The following UBALD2 variants were observed in gnomAD, a reference collection of about 807,000 sequenced individuals.
UBALD2 encodes the protein UBA like domain containing 2, also known as UBA-like domain-containing protein 2.
UBALD2 carries 8 observed loss-of-function variants against 15.9 expected under a neutral mutation model. The observed-to-expected ratio is 0.50, with a 90% confidence interval of 0.29 to 0.91. The LOEUF (loss-of-function observed/expected upper bound fraction) is 0.91, where lower values mean the gene tolerates loss of function less well. Among genes scored for constraint, UBALD2 ranks in the 40% least tolerant of loss-of-function variants. The pLI is 0.07. For missense variants in UBALD2, 178 were observed against 234.8 expected, an observed-to-expected ratio of 0.76 and a Z score of 1.58; for synonymous variants, 113 against 97.7, an observed-to-expected ratio of 1.16 and a Z score of -0.93.
chr17:76,265,754 CG>C (rs888680662), intron 1 of UBALD2, 129 bp downstream of exon 1: 83 of 1,335,346 alleles, frequency 6.2e-5, no homozygotes, highest in Non-Finnish European at 7.9e-5. Context: ...TACGCGGGAC[CG>C]GGGCCGGGAC....
chr17:76,265,505 C>G lies in UBALD2; in HGVS notation c.-1C>G. On this transcript the variant is annotated 5_prime_UTR_variant, in exon 1 of 3. Transcript: ENST00000327490. ...CGCCGGGCCCCGCGCCGCGCCGCGCCATGTCGGTGAACATGGACGAGCTGC... is the reference window on the plus strand; with the variant it reads ...CGCCGGGCCCCGCGCCGCGCCGCGCGATGTCGGTGAACATGGACGAGCTGC... 1 of 1,242,054 alleles carries G rather than the reference C, an allele frequency of 8.1e-7. No individual in the cohort carries two copies. Among genetic ancestry groups the G allele is most frequent in the Non-Finnish European group, 1.0e-6 (1 of 968,748 alleles). The allele number at this position is 1,242,054 out of a possible 1,614,324, so 76.9% of individuals were successfully genotyped here.
rs778231017 is a variant in UBALD2, at chr17:76,269,237, C to G, written c.184-957C>G. ...TGTTGCCTCTTGCCCATGCTGCTGA[C>G]GAGGTGCTCCTGGATGGCACTCCAG... On this transcript the variant is annotated intron_variant, in intron 2 of 2. Coordinates refer to ENST00000327490, the MANE Select transcript of UBALD2 (RefSeq NM_182565.4). The surrounding 1 kb of genome is among the most constrained non-coding windows in gnomAD (Gnocchi z 4.6). Among the ~76,000 whole-genome samples, 4 of 152,132 alleles carry G rather than the reference C, an allele frequency of 2.6e-5. No homozygotes were observed. The highest frequency in any genetic ancestry group is 1.3e-4 in the Admixed American group (2 of 15,282).
At chr17:76,267,878 C>T (rs978846118) in intron 2 of UBALD2, among the ~76,000 whole-genome samples, 5 of 151,516 alleles carry the variant, frequency 3.3e-5, no homozygotes, top group African/African-American at 1.2e-4. Context: ...AGGCTGGTCT[C>T]GAACTCCCAA....
At position 76,270,222 on chromosome 17, in the gene UBALD2, C is replaced by G; in HGVS notation, c.212C>G (p.Thr71Arg). The change falls in exon 3 of 3, where the codon ACG becomes AGG. Residue 71 changes from threonine to arginine, a missense_variant. Thr to Arg is a moderately conservative substitution (Grantham distance 71, BLOSUM62 -1). Coordinates refer to ENST00000327490, the MANE Select transcript of UBALD2 (RefSeq NM_182565.4). ...TGCACTCCCAGCAACACCCCTGCCA[C>G]GCCGCCCAACTTCCCCGATGCGCTG... ...MMCTPSNTPA[T>R]PPNFPDALAM... 6.2e-7 allele frequency: 1 copy of G among 1,612,868 alleles called. No homozygotes were observed. The highest frequency in any genetic ancestry group is 8.5e-7 in the Non-Finnish European group (1 of 1,179,958).
intron 2 of UBALD2, among the ~76,000 whole-genome samples, chr17:76,267,667 C>CTT (rs771340875): frequency 2.2e-4 from 29 of 132,562 alleles, no homozygotes; most frequent in African/African-American, 7.2e-4. Flanking sequence ...AATTTCTTTT[C>CTT]TTTTTTTTTT....
chr17:76,266,961 G>A (rs1400907595), intron 2 of UBALD2, among the ~76,000 whole-genome samples: 1 of 152,210 alleles, frequency 6.6e-6, no homozygotes, highest in Admixed American at 6.5e-5. Flanking sequence ...GGTCTGTCTT[G>A]ACCTTGTTAG....
intron 2 of UBALD2, among the ~76,000 whole-genome samples, chr17:76,268,223 A>G (rs9674642): frequency 0.24 from 36,396 of 152,140 alleles, 7,713 homozygotes; most frequent in African/African-American, 0.57. Context: ...ACTGGCCGAG[A>G]GGGCATATCT....
chr17:76,268,940 G>A (rs2070565597), intron 2 of UBALD2, among the ~76,000 whole-genome samples: 1 of 151,916 alleles, frequency 6.6e-6, no homozygotes, highest in African/African-American at 2.4e-5. Context: ...TCACCATGTT[G>A]GTCAGGCTGG....
At position 76,270,588 on chromosome 17, in the gene UBALD2, C is replaced by G; in HGVS notation, c.*83C>G. The stretch of plus-strand genomic sequence containing the variant: ...ACAGGAGGGCCAGGGAGGGGGGAGC[C>G]GGGGAGGGCAGGGGGTTTCCCGAAG... On this transcript the variant is annotated 3_prime_UTR_variant, in exon 3 of 3. Transcript: ENST00000327490. The G allele has an allele frequency of 1.9e-5, 20 of 1,031,390 alleles. No individual in the cohort carries two copies. The highest frequency in any genetic ancestry group is 3.1e-5 in the East Asian group (1 of 31,964). 63.9% of individuals were successfully genotyped at this position (1,031,390 alleles called of 1,614,324 possible). A position where few individuals can be genotyped will look rare whatever the true frequency, so the allele number is the denominator to read the frequency against.
At chr17:76,265,866 C>T (rs1358807143) in intron 1 of UBALD2, 41 bp from the exon 2 acceptor site, 2 of 1,580,974 alleles carry the variant, frequency 1.3e-6, no homozygotes, top group African/African-American at 1.4e-5. Flanking sequence ...CGTTTCCTGA[C>T]TCCGCCTGGC....
intron 2 of UBALD2, among the ~76,000 whole-genome samples, chr17:76,268,115 C>T (rs1333266292): frequency 6.6e-6 from 1 of 152,184 alleles, no homozygotes; most frequent in East Asian, 1.9e-4. Flanking sequence ...GGAAGCTTCC[C>T]AGTTGATAAG....
intron 2 of UBALD2, among the ~76,000 whole-genome samples, chr17:76,268,572 C>G (rs1054318088): frequency 6.6e-6 from 1 of 152,040 alleles, no homozygotes; most frequent in Non-Finnish European, 1.5e-5. Flanking sequence ...TTGGCCTCCC[C>G]CTGAGGACCC....
Position 76,270,513 on chromosome 17 carries a change from C to T in UBALD2, c.*8C>T, listed in dbSNP as rs559457261. The T allele has an allele frequency of 1.4e-3, 2,047 of 1,440,208 alleles. 28 individuals carry two copies. In the South Asian group the frequency reaches 0.021, roughly 15 times the overall value. The allele number at this position is 1,440,208 out of a possible 1,614,324, so 89.2% of individuals were successfully genotyped here. A position where few individuals can be genotyped will look rare whatever the true frequency, so the allele number is the denominator to read the frequency against. On this transcript the variant is annotated 3_prime_UTR_variant, in exon 3 of 3. Transcript: ENST00000327490. ...ATGGACGGCCAGAGATGAGACTGGA[C>T]GCCGCCGGGCGCTGGGCTGGAGCTG...
At chr17:76,266,550 C>T (rs921023194) in intron 2 of UBALD2, among the ~76,000 whole-genome samples, 6 of 152,206 alleles carry the variant, frequency 3.9e-5, no homozygotes, top group African/African-American at 1.2e-4. Context: ...GAAGGACATA[C>T]ATCCCCCAAG....
Position 76,270,719 on chromosome 17 carries a change from G to A in UBALD2, c.*214G>A, listed in dbSNP as rs2070581421. 2.1e-6 allele frequency: 1 copy of A among 473,972 alleles called. No individual in the cohort carries two copies. Among genetic ancestry groups the A allele is most frequent in the Non-Finnish European group, 3.7e-6 (1 of 272,608 alleles). 29.4% of individuals were successfully genotyped at this position (473,972 alleles called of 1,614,324 possible). ...AGTTTTTCAGGCAAGTTTTTCCTCTGTTTTTAATATATAACTATAATATAT... is the reference window on the plus strand; with the variant it reads ...AGTTTTTCAGGCAAGTTTTTCCTCTATTTTTAATATATAACTATAATATAT... On this transcript the variant is annotated 3_prime_UTR_variant, in exon 3 of 3. Transcript: ENST00000327490.
At chr17:76,265,835 C>T (rs1341105718) in intron 1 of UBALD2, 72 bp from the exon 2 acceptor site, 2 of 1,525,180 alleles carry the variant, frequency 1.3e-6, no homozygotes, top group South Asian at 1.2e-5. Flanking sequence ...CGGGGAGAGC[C>T]GGTGGGGGGC....
chr17:76,266,288 G>C (rs962910388), intron 2 of UBALD2, among the ~76,000 whole-genome samples: 4 of 152,168 alleles, frequency 2.6e-5, no homozygotes, highest in Non-Finnish European at 5.9e-5. Context: ...ATGGGGAGGG[G>C]GAGAGGGTGA....
intron 2 of UBALD2, among the ~76,000 whole-genome samples, chr17:76,266,490 C>T (rs2070546926): frequency 6.6e-6 from 1 of 152,164 alleles, no homozygotes; most frequent in Non-Finnish European, 1.5e-5. Flanking sequence ...CCGGGCTCTA[C>T]CCACAAAGAT....
At chr17:76,266,055 A>G in intron 2 of UBALD2, 86 bp downstream of exon 2, 1 of 1,471,778 alleles carries the variant, frequency 6.8e-7, no homozygotes. Context: ...CCGCGCCGCG[A>G]ATGTAAACAA....
Sources: gnomAD v4.1 joint callset for allele counts (sites outside exome capture counted in the v4.1 genomes callset) on GRCh38, gnomAD v4.1.1 for gene constraint, Gnocchi (gnomAD v3.1) non-coding constraint, MANE v1.5 for transcripts, NCBI Gene and HGNC (gene_info 2026-07-23, HGNC 2026-07-21) for gene names.